Variants in C1orf21 observed in about 807,000 individuals in gnomAD.
C1orf21 encodes the protein uncharacterized protein C1orf21.
A neutral mutation model predicts 18.7 loss-of-function variants in C1orf21; 3 were observed. That is an observed-to-expected ratio of 0.16 (90% CI 0.07 to 0.42). The LOEUF (loss-of-function observed/expected upper bound fraction) is 0.42. Among genes scored for constraint, C1orf21 ranks in the 10% least tolerant of loss-of-function variants. C1orf21 has a pLI of 0.99. For missense variants in C1orf21, 104 were observed against 143.6 expected (o/e 0.72, Z 1.41); for synonymous variants, 41 against 46.4 (o/e 0.88, Z 0.47).
intron 3 of C1orf21, among the ~76,000 whole-genome samples, chr1:184,512,048 A>G (rs997608326): frequency 1.3e-5 from 2 of 152,196 alleles, no homozygotes; most frequent in African/African-American, 4.8e-5. Context: ...AAGAAGAGAC[A>G]ATGGTCAAAG....
At chr1:184,544,046 C>T (rs376073196) in intron 3 of C1orf21, among the ~76,000 whole-genome samples, 20 of 152,136 alleles carry the variant, frequency 1.3e-4, no homozygotes, top group African/African-American at 4.8e-4. Flanking sequence ...TGTTATCGAA[C>T]TTCTGGTTCA....
At position 184,531,954 on chromosome 1, in the gene C1orf21, C is replaced by T. The variant is rs371624140; in HGVS notation, c.189+24272C>T. Among the ~76,000 whole-genome samples the T allele has an allele frequency of 7.7e-4, 117 of 151,998 alleles. 3 individuals carry two copies. The South Asian group carries it at 0.024, about 31-fold the overall frequency. On this transcript the variant is annotated intron_variant, in intron 3 of 5. Coordinates refer to ENST00000235307, the MANE Select transcript of C1orf21 (RefSeq NM_030806.4). The stretch of plus-strand genomic sequence containing the variant: ...TTAGAATTTTGTGCCTCTAATGTAG[C>T]TTAAAAATAAAAATTTTTTCAATTC...
intron 3 of C1orf21, chr1:184,568,483 A>G (rs1464755724): frequency 8.5e-6 from 4 of 470,136 alleles, no homozygotes; most frequent in Admixed American, 2.4e-5. Flanking sequence ...CTTATGTGAT[A>G]CTGTGAGTAT....
chr1:184,593,207 T>C (rs539347594), intron 4 of C1orf21, among the ~76,000 whole-genome samples: 2 of 152,240 alleles, frequency 1.3e-5, no homozygotes, highest in East Asian at 1.9e-4. Flanking sequence ...GCAGCACACT[T>C]CACAGACTGG....
intron 3 of C1orf21, among the ~76,000 whole-genome samples, chr1:184,535,191 C>T (rs1338178217): frequency 6.6e-6 from 1 of 152,154 alleles, no homozygotes; most frequent in East Asian, 1.9e-4. Context: ...CACCAGCTGT[C>T]ATTTCTGCTA....
At chr1:184,599,204 T>C (rs1303840628) in intron 5 of C1orf21, 1 of 152,232 alleles carries the variant, frequency 6.6e-6, no homozygotes, top group Non-Finnish European at 1.5e-5. Context: ...AATTTTTTTA[T>C]TCTAAAGAAG....
In C1orf21 at chr1:184,518,635, A is replaced by G. The variant is rs548781050; in HGVS notation, c.189+10953A>G. Among the ~76,000 whole-genome samples, 355 of 152,256 alleles carry G rather than the reference A, an allele frequency of 2.3e-3. 1 individual carries two copies. The highest frequency in any genetic ancestry group is 8.2e-3 in the African/African-American group (341 of 41,560). ...TTTTAAATGTTTTTTTCTCTTCTAC[A>G]TGCTCAACACTGAACTGACCATATT... is the stretch of plus-strand genomic sequence containing the variant. On this transcript the variant is annotated intron_variant, in intron 3 of 5. Coordinates refer to ENST00000235307, the MANE Select transcript of C1orf21 (RefSeq NM_030806.4).
intron 3 of C1orf21, among the ~76,000 whole-genome samples, chr1:184,586,924 T>C (rs1323335036): frequency 6.6e-6 from 1 of 152,214 alleles, no homozygotes; most frequent in Non-Finnish European, 1.5e-5. Context: ...GGGTTTTACA[T>C]TTAAGCCTTT....
At chr1:184,511,232 T>A (rs1273868923) in intron 3 of C1orf21, among the ~76,000 whole-genome samples, 1 of 152,160 alleles carries the variant, frequency 6.6e-6, no homozygotes, top group African/African-American at 2.4e-5. Context: ...AAACCATGGA[T>A]CATACAACAA....
chr1:184,415,881 G>A (rs142147352), intron 1 of C1orf21, among the ~76,000 whole-genome samples: 343 of 152,316 alleles, frequency 2.3e-3, no homozygotes, highest in Middle Eastern at 0.017. Flanking sequence ...CAGGATAGAA[G>A]TGTTGATCCC....
In C1orf21 at chr1:184,507,667, G is replaced by A. The variant is rs758083654; in HGVS notation, c.174G>A (p.Arg58=). The change falls in exon 3 of 6, where the codon AGG becomes AGA. Residue 58 remains arginine, a synonymous_variant. Coordinates refer to ENST00000235307, the MANE Select transcript of C1orf21 (RefSeq NM_030806.4). The stretch of plus-strand genomic sequence containing the variant: ...AAGAAGAGCAGAAAATAGCAGCCAG[G>A]AACCAAGAAAACTTGGTAAGAATTG... ...GAEEEQKIAA[R]NQENLEKSAS... is the part of the protein sequence containing the mutation. The A allele has an allele frequency of 1.4e-5, 23 of 1,589,464 alleles. No homozygotes were observed. The highest frequency in any genetic ancestry group is 2.0e-5 in the Non-Finnish European group (23 of 1,172,690).
chr1:184,429,609 T>C (rs1656702154), intron 1 of C1orf21, among the ~76,000 whole-genome samples: 1 of 152,194 alleles, frequency 6.6e-6, no homozygotes, highest in South Asian at 2.1e-4. Flanking sequence ...CAACTCAAGG[T>C]ACTTAGACGG....
In C1orf21 at chr1:184,414,539, G is replaced by T. The variant is rs1430020492; in HGVS notation, c.-125+27171G>T. On this transcript the variant is annotated intron_variant, in intron 1 of 5. Coordinates refer to ENST00000235307, the MANE Select transcript of C1orf21 (RefSeq NM_030806.4). ...CATTGGTCTTACTGTGAGAATTACT[G>T]TGTTTGTGTACACCAAAGCTTGACT... 2.0e-5 allele frequency among the ~76,000 whole-genome samples: 3 copies of T among 151,896 alleles called. No individual in the cohort carries two copies. The East Asian group carries it at 5.8e-4, about 29-fold the overall frequency.
At chr1:184,509,308 A>G (rs1191704463) in intron 3 of C1orf21, among the ~76,000 whole-genome samples, 2 of 152,114 alleles carry the variant, frequency 1.3e-5, no homozygotes, top group Non-Finnish European at 2.9e-5. Flanking sequence ...ATTCTTTTTC[A>G]GCATTGTGGT....
intron 2 of C1orf21, among the ~76,000 whole-genome samples, chr1:184,498,849 A>G (rs2101959858): frequency 6.6e-6 from 1 of 152,352 alleles, no homozygotes; most frequent in South Asian, 2.1e-4. Context: ...ATTTGTGGGA[A>G]ACACTAATAA....
intron 1 of C1orf21, among the ~76,000 whole-genome samples, chr1:184,450,147 G>T (rs1657100651): frequency 6.6e-6 from 1 of 152,084 alleles, no homozygotes; most frequent in African/African-American, 2.4e-5. Context: ...GGAAGGTGTG[G>T]GGTCACCTTG....
intron 3 of C1orf21, among the ~76,000 whole-genome samples, chr1:184,580,015 G>A (rs1251447411): frequency 6.6e-6 from 1 of 152,136 alleles, no homozygotes; most frequent in Admixed American, 6.5e-5. Flanking sequence ...GAAGCTTTCT[G>A]GGGCATTTTT....
At chr1:184,473,334 C>T (rs559274226) in intron 1 of C1orf21, among the ~76,000 whole-genome samples, 23 of 152,246 alleles carry the variant, frequency 1.5e-4, no homozygotes, top group African/African-American at 5.3e-4. Context: ...TGCTCCAGGT[C>T]GTGGTCTCTG....
chr1:184,434,361 G>A (rs574233462), intron 1 of C1orf21, among the ~76,000 whole-genome samples: 61 of 151,768 alleles, frequency 4.0e-4, no homozygotes, highest in African/African-American at 1.4e-3. Context: ...AAAGATGCAG[G>A]GAATGAGACT....
Sources: allele counts gnomAD v4.1 joint callset (sites outside exome capture counted in the v4.1 genomes callset), GRCh38; gene constraint gnomAD v4.1.1; transcripts MANE v1.5; gene names NCBI Gene and HGNC (gene_info 2026-07-23, HGNC 2026-07-21).